ZC3H12B: variants seen among roughly 807,000 people sequenced by gnomAD.
The protein encoded by ZC3H12B is zinc finger CCCH-type containing 12B, also known as probable ribonuclease ZC3H12B.
Under a neutral mutation model 43.9 loss-of-function variants are expected in ZC3H12B, and 7 were observed. That is an observed-to-expected ratio of 0.16 (90% confidence interval 0.09 to 0.30). The LOEUF is 0.30. ZC3H12B is among the 10% of genes least tolerant of loss of function. ZC3H12B has a pLI of 1.00. For synonymous variants in ZC3H12B, 222 were observed against 241.7 expected, an observed-to-expected ratio of 0.92 and a Z score of 0.76; for missense variants, 475 against 670.2, an observed-to-expected ratio of 0.71 and a Z score of 3.22.
At chrX:65,235,323 C>T in the ZC3H12B span, among the ~76,000 whole-genome samples, 1 of 112,167 alleles carries the variant, frequency 8.9e-6, no homozygotes, top group Non-Finnish European at 1.9e-5. Flanking sequence ...AGTGTAAACA[C>T]ATTCCTTTTT....
the ZC3H12B span, among the ~76,000 whole-genome samples, chrX:65,232,102 A>C: frequency 9.1e-6 from 1 of 109,659 alleles, no homozygotes; most frequent in Non-Finnish European, 1.9e-5. Flanking sequence ...TTAGCCAAGC[A>C]TGGTGGCAGG....
chrX:65,108,639 T>TAA, the ZC3H12B span, among the ~76,000 whole-genome samples: 1 of 101,822 alleles, frequency 9.8e-6, no homozygotes, highest in Non-Finnish European at 2.0e-5. Flanking sequence ...ACAGTTAACT[T>TAA]AAAAAAAAAA....
At chrX:65,079,120 T>C in the ZC3H12B span, among the ~76,000 whole-genome samples, 3 of 112,614 alleles carry the variant, frequency 2.7e-5, no homozygotes, top group Non-Finnish European at 5.6e-5. Flanking sequence ...TGAAAACATG[T>C]GATGTTTCTC....
chrX:65,227,470 G>T, the ZC3H12B span, among the ~76,000 whole-genome samples: 1 of 110,465 alleles, frequency 9.1e-6, no homozygotes, highest in South Asian at 3.8e-4. Flanking sequence ...ACAATTAAAA[G>T]AACTAGAAAA....
At chrX:65,420,233 C>A (rs1374740969) in intron 3 of ZC3H12B, among the ~76,000 whole-genome samples, 1 of 112,094 alleles carries the variant, frequency 8.9e-6, no homozygotes, top group Non-Finnish European at 1.9e-5. Flanking sequence ...TGAACCCAGG[C>A]TTCATACCAC....
chrX:65,402,635 T>C (rs902205102), intron 3 of ZC3H12B, among the ~76,000 whole-genome samples: 1 of 111,831 alleles, frequency 8.9e-6, no homozygotes, highest in Non-Finnish European at 1.9e-5. Flanking sequence ...AGAACGAGAC[T>C]CTATATGTTT....
At chrX:65,081,198 G>T in the ZC3H12B span, among the ~76,000 whole-genome samples, 2 of 110,269 alleles carry the variant, frequency 1.8e-5, no homozygotes, top group Non-Finnish European at 3.8e-5. Context: ...AGTAAAGAAA[G>T]ACAGCAAGAA....
chrX:65,236,117 G>C, the ZC3H12B span, among the ~76,000 whole-genome samples: 1 of 111,933 alleles, frequency 8.9e-6, no homozygotes, highest in Non-Finnish European at 1.9e-5. Context: ...TCTATCAGAA[G>C]GAAATAAACA....
the ZC3H12B span, among the ~76,000 whole-genome samples, chrX:65,199,748 C>T: frequency 6.0e-4 from 65 of 108,207 alleles, no homozygotes; most frequent in African/African-American, 2.2e-3. Context: ...TTTCCAACTC[C>T]AACCATGTCT....
the ZC3H12B span, chrX:65,272,536 T>G: frequency 1.8e-5 from 2 of 111,882 alleles, no homozygotes; most frequent in Non-Finnish European, 3.8e-5. Context: ...TGCTTAAGAC[T>G]GCAGGCTGTG....
At chrX:65,385,609 T>C (rs1212965451) in intron 2 of ZC3H12B, among the ~76,000 whole-genome samples, 1 of 112,009 alleles carries the variant, frequency 8.9e-6, no homozygotes, top group African/African-American at 3.2e-5. Context: ...CAATTTGACT[T>C]CCTCTTTTCC....
the ZC3H12B span, among the ~76,000 whole-genome samples, chrX:65,094,284 A>G: frequency 9.4e-6 from 1 of 106,144 alleles, no homozygotes; most frequent in Non-Finnish European, 1.9e-5. Context: ...TTAATAAATT[A>G]CCAAGTGTCA....
chrX:65,056,250 C>T, the ZC3H12B span, among the ~76,000 whole-genome samples: 13,701 of 110,750 alleles, frequency 0.12, 2,084 homozygotes, highest in African/African-American at 0.42. Flanking sequence ...TCCCTCTACA[C>T]ACTGTTTTAA....
At chrX:65,181,566 AT>A in the ZC3H12B span, among the ~76,000 whole-genome samples, 7 of 111,512 alleles carry the variant, frequency 6.3e-5, no homozygotes, top group African/African-American at 2.3e-4. Flanking sequence ...AAGAAAAAAA[AT>A]AACCTCATCA....
At chrX:65,116,142 G>A in the ZC3H12B span, among the ~76,000 whole-genome samples, 1 of 111,055 alleles carries the variant, frequency 9.0e-6, no homozygotes, top group African/African-American at 3.3e-5. Context: ...TTCCAGAAGG[G>A]TTTTTCTGAT....
At chrX:65,083,325 C>T in the ZC3H12B span, among the ~76,000 whole-genome samples, 1 of 111,592 alleles carries the variant, frequency 9.0e-6, no homozygotes, top group East Asian at 2.8e-4. Flanking sequence ...TCAAATTATC[C>T]TTGTTTGCAG....
At chrX:65,246,726 C>T in the ZC3H12B span, among the ~76,000 whole-genome samples, 1 of 112,090 alleles carries the variant, frequency 8.9e-6, no homozygotes, top group East Asian at 2.8e-4. Flanking sequence ...AAACTGAACC[C>T]CTTCCTTACA....
the ZC3H12B span, among the ~76,000 whole-genome samples, chrX:65,186,784 A>G: frequency 9.0e-6 from 1 of 111,372 alleles, no homozygotes; most frequent in Non-Finnish European, 1.9e-5. Flanking sequence ...AACATAAAAT[A>G]TTTGGTTTTT....
At chrX:65,121,430 A>G in the ZC3H12B span, among the ~76,000 whole-genome samples, 2 of 111,083 alleles carry the variant, frequency 1.8e-5, no homozygotes, top group South Asian at 3.8e-4. Flanking sequence ...TTTCTAGTTT[A>G]TTTGCCTAGA....
Sources: allele counts gnomAD v4.1 joint callset (sites outside exome capture counted in the v4.1 genomes callset), GRCh38; gene constraint gnomAD v4.1.1; transcripts MANE v1.5; gene names NCBI Gene and HGNC (gene_info 2026-07-23, HGNC 2026-07-21).